The following ITGB3BP variants were observed in gnomAD, a reference collection of about 807,000 sequenced individuals.
The protein encoded by ITGB3BP is integrin subunit beta 3 binding protein.
Under a neutral mutation model 29.1 loss-of-function variants are expected in ITGB3BP, and 27 were observed. The ratio of observed to expected loss-of-function variants is 0.93; its 90% CI spans 0.68 to 1.28. The LOEUF (loss-of-function observed/expected upper bound fraction) is 1.28, where lower values mean the gene tolerates loss of function less well. Ranked by LOEUF, ITGB3BP falls within the 50% of genes most tolerant of loss-of-function variation. ITGB3BP has a pLI of 0.00. For missense variants in ITGB3BP, 192 were observed against 200.2 expected (o/e 0.96, Z 0.25); for synonymous variants, 61 against 61.4 (o/e 0.99, Z 0.03).
rs1378996724 is a variant in ITGB3BP at position 63,448,314 on chromosome 1, AAACTT to A, written c.485-1463_485-1459del. 5.9e-5 allele frequency among the ~76,000 whole-genome samples: 9 copies of A among 151,614 alleles called. No individual in the cohort carries two copies. In the East Asian group the frequency reaches 1.8e-3, roughly 30 times the overall value. On this transcript the variant is annotated intron_variant, in intron 7 of 8. Coordinates refer to ENST00000271002, the MANE Select transcript of ITGB3BP (RefSeq NM_014288.5). Reference sequence around the variant, plus strand: ...CTGCACATTGTGCACATGTACCCTAAAACTTAAAGTATAATAAAAAATAAAAAAAA... The same window carrying A: ...CTGCACATTGTGCACATGTACCCTAAAAAGTATAATAAAAAATAAAAAAAA...
At chr1:63,479,743 A>G (rs1352983923) in intron 3 of ITGB3BP, among the ~76,000 whole-genome samples, 1 of 152,052 alleles carries the variant, frequency 6.6e-6, no homozygotes, top group Non-Finnish European at 1.5e-5. Context: ...AATATTCTCC[A>G]GGTTCATTCA....
At chr1:63,474,889 T>A (rs1645303382) in intron 4 of ITGB3BP, among the ~76,000 whole-genome samples, 1 of 145,010 alleles carries the variant, frequency 6.9e-6, no homozygotes, top group African/African-American at 2.5e-5. Flanking sequence ...GAATGATCAA[T>A]AAAAAAAAAA....
intron 2 of ITGB3BP, among the ~76,000 whole-genome samples, chr1:63,505,369 AT>A (rs1398221226): frequency 6.6e-6 from 1 of 152,012 alleles, no homozygotes; most frequent in Non-Finnish European, 1.5e-5. Flanking sequence ...CCCCTTTATC[AT>A]TTTTTATTGC....
chr1:63,495,166 G>C (rs1645756079), intron 2 of ITGB3BP, among the ~76,000 whole-genome samples: 1 of 152,104 alleles, frequency 6.6e-6, no homozygotes, highest in Admixed American at 6.6e-5. Flanking sequence ...AATAAATTTT[G>C]TAAATAAAGT....
chr1:63,515,825 TA>T (rs76881362), intron 1 of ITGB3BP, among the ~76,000 whole-genome samples: 666 of 48,626 alleles, frequency 0.014, 12 homozygotes, highest in African/African-American at 0.05. Context: ...GACTCCAACT[TA>T]AAAAAAAAAA....
At chr1:63,523,853 G>C (rs933490009), upstream of ITGB3BP, among the ~76,000 whole-genome samples, 1 of 151,980 alleles carries the variant, frequency 6.6e-6, no homozygotes, top group African/African-American at 2.4e-5. Flanking sequence ...GTGTAGGGAC[G>C]GTGACTGGAC....
chr1:63,448,672 G>C (rs1298313693), intron 7 of ITGB3BP, among the ~76,000 whole-genome samples: 1 of 151,940 alleles, frequency 6.6e-6, no homozygotes, highest in Non-Finnish European at 1.5e-5. Context: ...AAGTTCACCT[G>C]TCAGGTGACA....
chr1:63,475,387 C>T (rs1346209467), intron 4 of ITGB3BP, among the ~76,000 whole-genome samples: 1 of 152,116 alleles, frequency 6.6e-6, no homozygotes. Context: ...AAGAAAACAT[C>T]TCTACAAAAA....
At chr1:63,447,576 G>A (rs754996909) in intron 7 of ITGB3BP, 6 of 497,022 alleles carry the variant, frequency 1.2e-5, no homozygotes, top group Non-Finnish European at 2.4e-5. Flanking sequence ...TAGGAGAGCT[G>A]GGGAGAGCTT....
At chr1:63,466,909 T>C (rs1220832484) in intron 4 of ITGB3BP, among the ~76,000 whole-genome samples, 2 of 151,374 alleles carry the variant, frequency 1.3e-5, no homozygotes, top group African/African-American at 4.9e-5. Flanking sequence ...CCACCAAGAG[T>C]GTGGTGGAAT....
chr1:63,460,086 G>A (rs984261042), intron 4 of ITGB3BP, among the ~76,000 whole-genome samples: 7 of 151,652 alleles, frequency 4.6e-5, no homozygotes, highest in African/African-American at 1.5e-4. Context: ...GTCTCAAGGA[G>A]CTTTTCTGCA....
At chr1:63,455,952 T>G (rs1326142846) in intron 4 of ITGB3BP, among the ~76,000 whole-genome samples, 3 of 152,146 alleles carry the variant, frequency 2.0e-5, no homozygotes, top group African/African-American at 4.8e-5. Context: ...TAAAAATTAT[T>G]GAGATATTTT....
intron 8 of ITGB3BP, among the ~76,000 whole-genome samples, chr1:63,444,960 A>G (rs1337466160): frequency 6.6e-6 from 1 of 152,170 alleles, no homozygotes; most frequent in Non-Finnish European, 1.5e-5. Flanking sequence ...GGATACGTAT[A>G]AAGTGTTTAT....
At chr1:63,468,944 G>A (rs1020672496) in intron 4 of ITGB3BP, among the ~76,000 whole-genome samples, 17 of 151,840 alleles carry the variant, frequency 1.1e-4, no homozygotes, top group Middle Eastern at 3.4e-3. Context: ...CCAGCTACTC[G>A]GGAGCCTGAG....
At chr1:63,473,026 C>T (rs568134114) in intron 4 of ITGB3BP, among the ~76,000 whole-genome samples, 119 of 150,180 alleles carry the variant, frequency 7.9e-4, no homozygotes, top group African/African-American at 2.8e-3. Flanking sequence ...ATCTAGGAAG[C>T]GAGGAGCGCC....
intron 2 of ITGB3BP, among the ~76,000 whole-genome samples, chr1:63,498,580 A>C (rs1645847171): frequency 2.6e-5 from 4 of 152,070 alleles, no homozygotes; most frequent in Admixed American, 2.6e-4. Flanking sequence ...GGAAATTTAT[A>C]GCTGCAAATA....
At chr1:63,508,501 A>G (rs775755812) in intron 2 of ITGB3BP, 27 bp downstream of exon 2, 5 of 1,180,532 alleles carry the variant, frequency 4.2e-6, no homozygotes, top group South Asian at 3.0e-5. Flanking sequence ...ATCTTATTCA[A>G]TGACAAACTT....
rs111757711 is a variant in ITGB3BP at position 63,479,845 on chromosome 1, T to C, written c.185-1012A>G. 6.9e-3 allele frequency among the ~76,000 whole-genome samples: 1,047 copies of C among 152,294 alleles called. 14 individuals carry two copies. Among genetic ancestry groups the C allele is most frequent in the African/African-American group, 0.024 (983 of 41,570 alleles). ...CATATTTTCTTTATCCATTCATGTG[T>C]TCATGGGCACTTAGGTTGATTCAGT... On this transcript the variant is annotated intron_variant, in intron 3 of 8. Transcript: ENST00000271002.
At chr1:63,495,312 AAAGAT>A (rs1378000152) in intron 2 of ITGB3BP, among the ~76,000 whole-genome samples, 1 of 152,256 alleles carries the variant, frequency 6.6e-6, no homozygotes, top group Non-Finnish European at 1.5e-5. Context: ...GTCAACTGCT[AAAGAT>A]AATATAAAAA....
Sources: allele counts gnomAD v4.1 joint callset (sites outside exome capture counted in the v4.1 genomes callset), GRCh38; gene constraint gnomAD v4.1.1; transcripts MANE v1.5; gene names NCBI Gene and HGNC (gene_info 2026-07-23, HGNC 2026-07-21).